The following PRTFDC1 variants were observed in gnomAD, a reference collection of about 807,000 sequenced individuals.
The protein encoded by PRTFDC1 is phosphoribosyltransferase domain-containing protein 1.
Under a neutral mutation model 34.6 loss-of-function variants are expected in PRTFDC1, and 38 were observed. The observed-to-expected ratio is 1.10, with a 90% confidence interval of 0.85 to 1.44. PRTFDC1 has a LOEUF of 1.44. Among genes scored for constraint, PRTFDC1 ranks in the 40% most tolerant of loss-of-function variants. The pLI is 0.00. For missense variants in PRTFDC1, 270 were observed against 283.0 expected (o/e 0.95, Z 0.33); for synonymous variants, 93 against 98.1 (o/e 0.95, Z 0.31).
chr10:24,949,734 TATTTA>T (rs1392519437), intron 1 of PRTFDC1, among the ~76,000 whole-genome samples: 14 of 115,468 alleles, frequency 1.2e-4, no homozygotes, highest in Admixed American at 1.9e-4. Flanking sequence ...TTTATTTATT[TATTTA>T]TTTTTTTTTT....
intron 2 of PRTFDC1, 117 bp downstream of exon 2, chr10:24,942,213 C>T (rs1161815845): frequency 8.0e-6 from 6 of 749,716 alleles, no homozygotes; most frequent in African/African-American, 7.0e-5. Context: ...TATAAAAGTT[C>T]TCTCTACCAC....
chr10:24,943,606 A>C (rs1488533085), intron 1 of PRTFDC1, among the ~76,000 whole-genome samples: 1 of 146,492 alleles, frequency 6.8e-6, no homozygotes, highest in African/African-American at 2.5e-5. Flanking sequence ...TCTGGAGTGC[A>C]GTGGTGCGAT....
rs139896921 is a variant in PRTFDC1, at chr10:24,889,180, T to C, written c.340-17117A>G. On this transcript the variant is annotated intron_variant, in intron 3 of 8. Transcript: ENST00000320152. Reference sequence around the variant, plus strand: ...AGACCCCAAAGAGCTTGCTTGCCCCTTCCACCAAGTGAGGACACAGCAAGA... The same window carrying C: ...AGACCCCAAAGAGCTTGCTTGCCCCCTCCACCAAGTGAGGACACAGCAAGA... Among the ~76,000 whole-genome samples, 94 of 152,204 alleles carry C rather than the reference T, an allele frequency of 6.2e-4. 1 individual carries two copies. The highest frequency in any genetic ancestry group is 2.2e-3 in the African/African-American group (91 of 41,516).
intron 3 of PRTFDC1, among the ~76,000 whole-genome samples, chr10:24,889,633 A>G (rs1401819401): frequency 6.6e-6 from 1 of 152,232 alleles, no homozygotes; most frequent in East Asian, 1.9e-4. Context: ...CATTGTTATT[A>G]CTTTTTAGGC....
intron 5 of PRTFDC1, among the ~76,000 whole-genome samples, chr10:24,857,893 A>T (rs1355132135): frequency 6.6e-6 from 1 of 151,940 alleles, no homozygotes; most frequent in Non-Finnish European, 1.5e-5. Flanking sequence ...AACAAAAGTT[A>T]AAAAAAACGA....
chr10:24,935,708 T>C (rs1849039443), intron 3 of PRTFDC1, among the ~76,000 whole-genome samples: 1 of 152,240 alleles, frequency 6.6e-6, no homozygotes, highest in South Asian at 2.1e-4. Flanking sequence ...TGGGTGAACA[T>C]GATCTAATCA....
At chr10:24,871,876 C>A (rs1015822689) in intron 4 of PRTFDC1, 122 bp downstream of exon 4, 18 of 745,214 alleles carry the variant, frequency 2.4e-5, no homozygotes, top group Non-Finnish European at 4.0e-5. Context: ...TTCACGCAGC[C>A]ATTTGTATGA....
intron 3 of PRTFDC1, among the ~76,000 whole-genome samples, chr10:24,923,581 G>A (rs1848824316): frequency 6.6e-6 from 1 of 152,156 alleles, no homozygotes. Context: ...AGGAAAACTA[G>A]CAAACAGAAA....
intron 3 of PRTFDC1, among the ~76,000 whole-genome samples, chr10:24,927,120 G>A (rs960167063): frequency 1.7e-4 from 26 of 152,154 alleles, no homozygotes; most frequent in African/African-American, 6.0e-4. Flanking sequence ...CTATCTCAGA[G>A]TAAACTTGCC....
At chr10:24,850,945 C>T (rs1026632785) in intron 8 of PRTFDC1, among the ~76,000 whole-genome samples, 1 of 152,092 alleles carries the variant, frequency 6.6e-6, no homozygotes. Flanking sequence ...AGCTGGGGTC[C>T]ACACTGGGGG....
chr10:24,938,719 AT>A (rs1169902830), intron 2 of PRTFDC1, among the ~76,000 whole-genome samples: 1 of 152,204 alleles, frequency 6.6e-6, no homozygotes, highest in East Asian at 1.9e-4. Context: ...ATGCATCTCA[AT>A]TGACCAGAGG....
intron 4 of PRTFDC1, among the ~76,000 whole-genome samples, chr10:24,859,934 A>C (rs16925091): frequency 6.6e-6 from 1 of 152,208 alleles, no homozygotes; most frequent in Non-Finnish European, 1.5e-5. Flanking sequence ...TAATTGGATT[A>C]GCAGTGACAT....
At chr10:24,867,231 T>TA (rs1471377916) in intron 4 of PRTFDC1, among the ~76,000 whole-genome samples, 99 of 150,820 alleles carry the variant, frequency 6.6e-4, no homozygotes, top group African/African-American at 2.3e-3. Context: ...AAATTTAATT[T>TA]TAAAAAATCC....
chr10:24,873,502 G>A (rs139124926), intron 3 of PRTFDC1, among the ~76,000 whole-genome samples: 78 of 152,296 alleles, frequency 5.1e-4, no homozygotes, highest in African/African-American at 1.7e-3. Flanking sequence ...ACCAGGAAAC[G>A]TCTTTAGTTA....
intron 3 of PRTFDC1, among the ~76,000 whole-genome samples, chr10:24,929,705 G>A (rs938186488): frequency 3.3e-5 from 5 of 152,114 alleles, no homozygotes; most frequent in Non-Finnish European, 7.4e-5. Context: ...ATAAATTAAT[G>A]AGCTTTTAAA....
At chr10:24,859,240 G>A (rs1847634990) in intron 4 of PRTFDC1, among the ~76,000 whole-genome samples, 1 of 152,018 alleles carries the variant, frequency 6.6e-6, no homozygotes, top group Non-Finnish European at 1.5e-5. Context: ...GACATCTGAA[G>A]TGCTGCTCTC....
At chr10:24,888,454 T>C (rs1271690974) in intron 3 of PRTFDC1, among the ~76,000 whole-genome samples, 1 of 152,206 alleles carries the variant, frequency 6.6e-6, no homozygotes, top group Non-Finnish European at 1.5e-5. Flanking sequence ...AAAATGTCTA[T>C]TGGATTGAAT....
chr10:24,889,282 A>G (rs1328708033), intron 3 of PRTFDC1, among the ~76,000 whole-genome samples: 2 of 151,974 alleles, frequency 1.3e-5, no homozygotes, highest in Admixed American at 6.6e-5. Flanking sequence ...CTCGTCTGCA[A>G]GTGGGCCCTC....
In PRTFDC1 at chr10:24,923,220, G is replaced by A. The variant is rs148093080; in HGVS notation, c.339+13964C>T. On this transcript the variant is annotated intron_variant, in intron 3 of 8. Transcript: ENST00000320152. The stretch of plus-strand genomic sequence containing the variant: ...TCTAGACTCCACCTCTGTGGGCAGG[G>A]TATAGCTGAACAAAAGGCAGCAGTC... 1.4e-4 allele frequency among the ~76,000 whole-genome samples: 21 copies of A among 152,324 alleles called. No individual in the cohort carries two copies. The East Asian group carries it at 3.9e-3, about 28-fold the overall frequency.
Sources: gnomAD v4.1 joint callset for allele counts (sites outside exome capture counted in the v4.1 genomes callset) on GRCh38, gnomAD v4.1.1 for gene constraint, MANE v1.5 for transcripts, NCBI Gene and HGNC (gene_info 2026-07-23, HGNC 2026-07-21) for gene names.